EPHB1: variants seen among roughly 807,000 people sequenced by gnomAD.
EPHB1 encodes EPH receptor B1.
Under a neutral mutation model 94.4 loss-of-function variants are expected in EPHB1, and 30 were observed. The ratio of observed to expected loss-of-function variants is 0.32; its 90% CI spans 0.24 to 0.43. EPHB1 has a LOEUF of 0.43. EPHB1 is among the 20% of genes least tolerant of loss of function. The pLI, the probability that EPHB1 is intolerant of heterozygous loss-of-function variation, is 1.00. For missense variants in EPHB1, 1,055 were observed against 1,308.3 expected, an observed-to-expected ratio of 0.81 and a Z score of 2.99; for synonymous variants, 522 against 489.1, an observed-to-expected ratio of 1.07 and a Z score of -0.89.
intron 3 of EPHB1, among the ~76,000 whole-genome samples, chr3:135,012,280 G>T (rs916542407): frequency 1.3e-5 from 2 of 152,228 alleles, no homozygotes; most frequent in Non-Finnish European, 2.9e-5. Context: ...CTTGGTGTTT[G>T]TGCTTGGTGT....
chr3:134,849,374 A>C lies in EPHB1; in HGVS notation c.58+53685A>C, dbSNP rs566154750. Among the ~76,000 whole-genome samples, 4 of 152,350 alleles carry C rather than the reference A, an allele frequency of 2.6e-5. No homozygotes were observed. The South Asian group carries it at 8.3e-4, about 32-fold the overall frequency. Reference sequence around the variant, plus strand: ...GGAGAGACTGCTAAGAGCAAAGCCAAGAGGACTTCATGGAGAAGAGTCCTT... The same window carrying C: ...GGAGAGACTGCTAAGAGCAAAGCCACGAGGACTTCATGGAGAAGAGTCCTT... On this transcript the variant is annotated intron_variant, in intron 1 of 15. Coordinates refer to ENST00000398015, the MANE Select transcript of EPHB1 (RefSeq NM_004441.5).
intron 1 of EPHB1, among the ~76,000 whole-genome samples, chr3:134,846,465 G>A (rs1291243262): frequency 4.6e-5 from 7 of 152,176 alleles, no homozygotes; most frequent in African/African-American, 1.4e-4. Flanking sequence ...CAAGAGCATC[G>A]CGTGGGTGCT....
intron 1 of EPHB1, among the ~76,000 whole-genome samples, chr3:134,802,592 T>G (rs2035956535): frequency 6.6e-6 from 1 of 152,112 alleles, no homozygotes; most frequent in Non-Finnish European, 1.5e-5. Flanking sequence ...AAGACTGTAT[T>G]CTAGGGACCT....
chr3:135,083,571 G>C (rs977639175), intron 3 of EPHB1, among the ~76,000 whole-genome samples: 3 of 151,756 alleles, frequency 2.0e-5, no homozygotes, highest in African/African-American at 7.3e-5. Context: ...AGCAGAAATG[G>C]CATGAAATGA....
chr3:135,102,121 A>G (rs975257681), intron 3 of EPHB1, among the ~76,000 whole-genome samples: 5 of 152,236 alleles, frequency 3.3e-5, no homozygotes, highest in African/African-American at 1.2e-4. Flanking sequence ...ATGATACGAA[A>G]GCAGAGAACT....
rs1933571985 is a variant in EPHB1 at position 135,259,904 on chromosome 3, A to T, written c.*784A>T. On this transcript the variant is annotated 3_prime_UTR_variant, in exon 16 of 16. Coordinates refer to ENST00000398015, the MANE Select transcript of EPHB1 (RefSeq NM_004441.5). Reference sequence around the variant, plus strand: ...GACTGTGCTTGTTCGTAACAGATGCAAACAAGAAAGAAGAACTGGGAAGTC... The same window carrying T: ...GACTGTGCTTGTTCGTAACAGATGCTAACAAGAAAGAAGAACTGGGAAGTC... 4.4e-6 allele frequency: 1 copy of T among 229,604 alleles called. No homozygotes were observed. Among genetic ancestry groups the T allele is most frequent in the South Asian group, 1.8e-4 (1 of 5,502 alleles). The allele number at this position is 229,604 out of a possible 1,614,324, so 14.2% of individuals were successfully genotyped here.
At position 134,859,876 on chromosome 3, in the gene EPHB1, C is replaced by T. The variant is rs1317684382; in HGVS notation, c.58+64187C>T. 2.0e-5 allele frequency among the ~76,000 whole-genome samples: 3 copies of T among 152,148 alleles called. No individual in the cohort carries two copies. In the East Asian group the frequency reaches 5.8e-4, roughly 29 times the overall value. On this transcript the variant is annotated intron_variant, in intron 1 of 15. Coordinates refer to ENST00000398015, the MANE Select transcript of EPHB1 (RefSeq NM_004441.5). ...TAATTTGGTATCTTGCTTTTATTCT[C>T]TTCATCATTTTGTTGTTAATCTTTT... is the stretch of plus-strand genomic sequence containing the variant.
intron 10 of EPHB1, among the ~76,000 whole-genome samples, chr3:135,187,171 C>G (rs1942349918): frequency 6.6e-6 from 1 of 152,208 alleles, no homozygotes. Flanking sequence ...GACCCAATGT[C>G]AGACACAAAG....
chr3:135,234,644 C>T (rs1033292051), intron 12 of EPHB1, among the ~76,000 whole-genome samples: 4 of 152,202 alleles, frequency 2.6e-5, no homozygotes, highest in African/African-American at 4.8e-5. Flanking sequence ...AATTGACTCA[C>T]AGTTCAGCAT....
At chr3:134,840,423 G>T (rs192361378) in intron 1 of EPHB1, 10 of 152,248 alleles carry the variant, frequency 6.6e-5, no homozygotes, top group Admixed American at 6.5e-4. Flanking sequence ...ATTTTTAAAT[G>T]ATGACAAAAA....
At chr3:134,933,195 T>A (rs750116738) in intron 2 of EPHB1, among the ~76,000 whole-genome samples, 37 of 152,318 alleles carry the variant, frequency 2.4e-4, no homozygotes, top group Non-Finnish European at 4.7e-4. Flanking sequence ...CTCCTCTCTC[T>A]ACTCCCACAG....
chr3:135,106,119 AT>A (rs1939210551), intron 3 of EPHB1, among the ~76,000 whole-genome samples: 1 of 152,192 alleles, frequency 6.6e-6, no homozygotes, highest in Non-Finnish European at 1.5e-5. Context: ...GGGAGTAACC[AT>A]TTATAGAGCA....
chr3:134,941,752 GACACACAC>G (rs3067391), intron 2 of EPHB1, among the ~76,000 whole-genome samples: 4,614 of 134,752 alleles, frequency 0.034, 175 homozygotes, highest in African/African-American at 0.093. Context: ...TATGCACACA[GACACACAC>G]ACACACACAC....
rs75776691 is a variant in EPHB1, at chr3:134,802,659, C to T, written c.58+6970C>T. On this transcript the variant is annotated intron_variant, in intron 1 of 15. Coordinates refer to ENST00000398015, the MANE Select transcript of EPHB1 (RefSeq NM_004441.5). ...CAGGTGGTACAGACAGGATTGAGGT[C>T]ATGGTCCCCACTGGTACCATGTAGC... Among the ~76,000 whole-genome samples the T allele has an allele frequency of 5.6e-3, 859 of 152,332 alleles. 8 individuals are homozygous for T. Among genetic ancestry groups the T allele is most frequent in the African/African-American group, 0.02 (819 of 41,572 alleles).
chr3:135,234,796 A>G (rs899479931), intron 12 of EPHB1, among the ~76,000 whole-genome samples: 4 of 152,188 alleles, frequency 2.6e-5, no homozygotes, highest in African/African-American at 9.6e-5. Context: ...GTGAGAACTC[A>G]CTCACTATCA....
intron 2 of EPHB1, among the ~76,000 whole-genome samples, chr3:134,948,391 T>C (rs1330548290): frequency 4.6e-5 from 7 of 151,998 alleles, no homozygotes; most frequent in Non-Finnish European, 1.0e-4. Flanking sequence ...AATGCTGTTT[T>C]ATAACAGCCA....
At chr3:134,909,300 C>G (rs1172835279) in intron 1 of EPHB1, among the ~76,000 whole-genome samples, 3 of 152,182 alleles carry the variant, frequency 2.0e-5, no homozygotes, top group Non-Finnish European at 2.9e-5. Context: ...AAGGAGCCAG[C>G]CTTCTGAAAG....
intron 12 of EPHB1, among the ~76,000 whole-genome samples, chr3:135,228,521 CAG>C (rs1193956106): frequency 1.3e-5 from 2 of 152,308 alleles, no homozygotes; most frequent in African/African-American, 4.8e-5. Flanking sequence ...CTTCCTCACA[CAG>C]AGAGTCATCA....
intron 1 of EPHB1, among the ~76,000 whole-genome samples, chr3:134,922,120 G>T (rs774137973): frequency 2.6e-5 from 4 of 152,184 alleles, no homozygotes; most frequent in Non-Finnish European, 5.9e-5. Context: ...AGCACCACAC[G>T]CACTTCCAGC....
Sources: allele counts gnomAD v4.1 joint callset (sites outside exome capture counted in the v4.1 genomes callset), GRCh38; gene constraint gnomAD v4.1.1; transcripts MANE v1.5; gene names NCBI Gene and HGNC (gene_info 2026-07-23, HGNC 2026-07-21).